The following OPCML variants were observed in gnomAD, a reference collection of about 807,000 sequenced individuals.
OPCML encodes opioid binding protein/cell adhesion molecule like, also known as opioid-binding protein/cell adhesion molecule.
In OPCML, 13 loss-of-function variants were observed where a neutral mutation model predicts 37.8. The ratio of observed to expected loss-of-function variants is 0.34; its 90% CI spans 0.22 to 0.55. The LOEUF (loss-of-function observed/expected upper bound fraction) is 0.55. Among genes scored for constraint, OPCML ranks in the 20% least tolerant of loss-of-function variants. The probability of loss-of-function intolerance (pLI) is 0.91; values close to 1 mark genes in which losing one functional copy is unlikely to be tolerated. For synonymous variants in OPCML, 176 were observed against 168.8 expected (o/e 1.04, Z -0.33); for missense variants, 341 against 435.6 (o/e 0.78, Z 1.93).
chr11:132,699,822 C>T (rs977550107), intron 2 of OPCML, among the ~76,000 whole-genome samples: 1 of 151,828 alleles, frequency 6.6e-6, no homozygotes, highest in Non-Finnish European at 1.5e-5. Context: ...CTTGTAGTAT[C>T]CTTGTCTGGC....
At chr11:132,440,697 T>C (rs1161750488) in intron 4 of OPCML, among the ~76,000 whole-genome samples, 1 of 152,194 alleles carries the variant, frequency 6.6e-6, no homozygotes, top group African/African-American at 2.4e-5. Context: ...ATAACATGCA[T>C]CCTCACCAAA....
intron 1 of OPCML, among the ~76,000 whole-genome samples, chr11:133,108,960 T>A (rs1949207129): frequency 6.6e-6 from 1 of 152,188 alleles, no homozygotes; most frequent in African/African-American, 2.4e-5. Context: ...TGAGGACTCA[T>A]CCCCAAGCTA....
chr11:133,446,390 C>A (rs1051847036), intron 1 of OPCML, among the ~76,000 whole-genome samples: 2 of 152,106 alleles, frequency 1.3e-5, no homozygotes, highest in East Asian at 3.9e-4. Context: ...AACTTACATA[C>A]CATAAACCCG....
At chr11:132,795,002 G>A (rs559518803) in intron 2 of OPCML, among the ~76,000 whole-genome samples, 3 of 151,536 alleles carry the variant, frequency 2.0e-5, no homozygotes, top group East Asian at 1.9e-4. Flanking sequence ...TAATAAAAAC[G>A]TGAGTGAAAC....
rs1206397601 is a variant in OPCML at position 133,498,854 on chromosome 11, C to T, written c.61+33410G>A. On this transcript the variant is annotated intron_variant, in intron 1 of 7. Transcript: ENST00000524381. ...GTCACTTTAGATGTAAGAATAACAG[C>T]TACCATGGATGGAGTTATGGAACCC... Among the ~76,000 whole-genome samples the T allele has an allele frequency of 2.6e-5, 4 of 152,168 alleles. No homozygotes were observed. In the East Asian group the frequency reaches 5.8e-4, roughly 22 times the overall value.
intron 1 of OPCML, among the ~76,000 whole-genome samples, chr11:132,958,605 T>A (rs140276441): frequency 6.6e-6 from 1 of 152,324 alleles, no homozygotes; most frequent in African/African-American, 2.4e-5. Flanking sequence ...ACAGGCTGAC[T>A]CTCCGGTTAG....
At chr11:132,634,629 G>C (rs537710439) in intron 3 of OPCML, among the ~76,000 whole-genome samples, 1 of 152,090 alleles carries the variant, frequency 6.6e-6, no homozygotes, top group Non-Finnish European at 1.5e-5. Flanking sequence ...GGGTGTCCTC[G>C]CAGGAAGAGA....
chr11:132,614,514 G>A (rs911413970), intron 3 of OPCML, among the ~76,000 whole-genome samples: 1 of 152,056 alleles, frequency 6.6e-6, no homozygotes, highest in Admixed American at 6.6e-5. Context: ...ATGTTATACC[G>A]CTTGTGTGTC....
chr11:133,468,880 G>C (rs1947035600), intron 1 of OPCML, among the ~76,000 whole-genome samples: 2 of 145,412 alleles, frequency 1.4e-5, no homozygotes, highest in Admixed American at 6.8e-5. Flanking sequence ...GGTGAGGGTA[G>C]AGAATATTAT....
At chr11:132,673,338 T>C (rs992053358) in intron 2 of OPCML, among the ~76,000 whole-genome samples, 5 of 151,850 alleles carry the variant, frequency 3.3e-5, no homozygotes, top group Middle Eastern at 3.4e-3. Flanking sequence ...CAGAGAAAAA[T>C]AGATCACAGA....
At chr11:133,138,758 C>A (rs1949728133) in intron 1 of OPCML, among the ~76,000 whole-genome samples, 1 of 152,150 alleles carries the variant, frequency 6.6e-6, no homozygotes, top group Non-Finnish European at 1.5e-5. Context: ...TTAGAGCGAA[C>A]CCTCTCTAAG....
chr11:132,593,611 G>A (rs1318287123), intron 3 of OPCML, among the ~76,000 whole-genome samples: 3 of 152,144 alleles, frequency 2.0e-5, no homozygotes, highest in Non-Finnish European at 4.4e-5. Context: ...CAGATCAGGG[G>A]AGAGATCACT....
At chr11:132,630,251 C>G (rs1375742259) in intron 3 of OPCML, among the ~76,000 whole-genome samples, 1 of 152,114 alleles carries the variant, frequency 6.6e-6, no homozygotes, top group Admixed American at 6.6e-5. Flanking sequence ...TAAGGAAAAG[C>G]TATTTGGAGT....
chr11:132,622,711 A>T (rs1939494590), intron 3 of OPCML, among the ~76,000 whole-genome samples: 1 of 152,168 alleles, frequency 6.6e-6, no homozygotes, highest in South Asian at 2.1e-4. Context: ...GGATGGAACC[A>T]TGGGGGGCTG....
rs551290190 is a variant in OPCML at position 133,453,744 on chromosome 11, C to T, written c.61+78520G>A. On this transcript the variant is annotated intron_variant, in intron 1 of 7. Coordinates refer to ENST00000524381, the MANE Select transcript of OPCML (RefSeq NM_001012393.5). ...TGTTTTTCTGATGACTCTATCCTCA[C>T]GTGGCACAAGCTTTGCCACAGATAA... 3.3e-5 allele frequency among the ~76,000 whole-genome samples: 5 copies of T among 152,248 alleles called. No individual in the cohort carries two copies. In the East Asian group the frequency reaches 7.7e-4, roughly 24 times the overall value.
intron 2 of OPCML, among the ~76,000 whole-genome samples, chr11:132,701,762 TTGTGTGTGTGTGTGTG>T (rs34453558): frequency 7.0e-6 from 1 of 142,716 alleles, no homozygotes; most frequent in Non-Finnish European, 1.5e-5. Context: ...AATTTGATGA[TTGTGTGTGTGTGTGTG>T]TGTGTGTGTG....
At chr11:133,069,337 G>T (rs2137005622) in intron 1 of OPCML, among the ~76,000 whole-genome samples, 1 of 152,290 alleles carries the variant, frequency 6.6e-6, no homozygotes, top group East Asian at 1.9e-4. Flanking sequence ...GTGACAGAAT[G>T]CAAACTAGAA....
At chr11:132,906,961 A>G (rs1219429860) in intron 2 of OPCML, among the ~76,000 whole-genome samples, 1 of 152,212 alleles carries the variant, frequency 6.6e-6, no homozygotes, top group Non-Finnish European at 1.5e-5. Flanking sequence ...CAACAAAAAT[A>G]TCGACAGCTC....
At chr11:133,180,282 G>T (rs1194450234) in intron 1 of OPCML, among the ~76,000 whole-genome samples, 1 of 152,134 alleles carries the variant, frequency 6.6e-6, no homozygotes, top group Non-Finnish European at 1.5e-5. Flanking sequence ...CCTGGCCTAT[G>T]CATTACGAAT....
Sources: allele counts gnomAD v4.1 joint callset (sites outside exome capture counted in the v4.1 genomes callset), GRCh38; gene constraint gnomAD v4.1.1; transcripts MANE v1.5; gene names NCBI Gene and HGNC (gene_info 2026-07-23, HGNC 2026-07-21).